Variants in PRPS2 observed in about 807,000 individuals in gnomAD.
PRPS2 encodes the protein ribose-phosphate pyrophosphokinase 2.
For synonymous variants in PRPS2, 111 were observed against 115.3 expected, an observed-to-expected ratio of 0.96 and a Z score of 0.24; for missense variants, 104 against 271.5, an observed-to-expected ratio of 0.38 and a Z score of 4.34.
At chrX:12,793,293 T>A (rs1315933004) in intron 1 of PRPS2, among the ~76,000 whole-genome samples, 1 of 112,736 alleles carries the variant, frequency 8.9e-6, no homozygotes, top group Non-Finnish European at 1.9e-5. Flanking sequence ...GCATGGTTAA[T>A]CTAGATCAGT....
intron 2 of PRPS2, among the ~76,000 whole-genome samples, chrX:12,807,601 A>AT (rs1346891196): frequency 9.0e-6 from 1 of 111,677 alleles, no homozygotes. Flanking sequence ...GTAAATATTT[A>AT]TTGAAGAACT....
intron 2 of PRPS2, among the ~76,000 whole-genome samples, chrX:12,801,975 G>C (rs915647331): frequency 2.7e-5 from 3 of 112,028 alleles, no homozygotes; most frequent in African/African-American, 9.7e-5. Flanking sequence ...TTGGCCCTAA[G>C]ATATTGAATA....
chrX:12,820,836 C>T, intron 6 of PRPS2, 33 bp downstream of exon 6: 2 of 1,190,164 alleles, frequency 1.7e-6, no homozygotes, highest in Non-Finnish European at 2.3e-6. Context: ...AGCCAAGCAG[C>T]CAGGCACCTA....
intron 6 of PRPS2, 81 bp downstream of exon 6, chrX:12,820,884 G>T: frequency 9.5e-7 from 1 of 1,053,920 alleles, no homozygotes; most frequent in Non-Finnish European, 1.3e-6. Context: ...TCTTGTGTGT[G>T]TGTGGCTCCT....
intron 2 of PRPS2, among the ~76,000 whole-genome samples, chrX:12,800,817 T>C (rs2042565653): frequency 9.0e-6 from 1 of 111,562 alleles, no homozygotes; most frequent in Admixed American, 9.6e-5. Flanking sequence ...CAAGACATGG[T>C]TTCCATTCCC....
At chrX:12,799,458 C>T in intron 2 of PRPS2, 68 bp downstream of exon 2, 2 of 1,039,931 alleles carry the variant, frequency 1.9e-6, no homozygotes, top group Non-Finnish European at 2.6e-6. Flanking sequence ...CTCATTTATC[C>T]CCTTGATTAG....
intron 1 of PRPS2, among the ~76,000 whole-genome samples, chrX:12,796,092 G>A (rs2042541564): frequency 9.0e-6 from 1 of 111,184 alleles, no homozygotes; most frequent in Non-Finnish European, 1.9e-5. Context: ...TGTTGCCCAG[G>A]CTGGACTAGA....
At chrX:12,811,162 G>T (rs1296373946) in intron 4 of PRPS2, among the ~76,000 whole-genome samples, 1 of 112,493 alleles carries the variant, frequency 8.9e-6, no homozygotes, top group South Asian at 3.6e-4. Flanking sequence ...CACAGTCCAC[G>T]CAGGCCCAGC....
In PRPS2 at chrX:12,809,380, TA is replaced by T. The variant is rs374765413; in HGVS notation, c.405+51del. 1,338 of 1,107,367 alleles carry T rather than the reference TA, an allele frequency of 1.2e-3. 13 individuals carry two copies. In the South Asian group the frequency reaches 0.024, roughly 20 times the overall value. 91.3% of individuals were successfully genotyped at this position (1,107,367 alleles called of 1,213,427 possible). A position where few individuals can be genotyped will look rare whatever the true frequency, so the allele number is the denominator to read the frequency against. Reference sequence around the variant, plus strand: ...AATGGTTAAATCAAGTCTGTTAAATTAAATAATCTTAGGTAACATTACTTGT... The same window carrying T: ...AATGGTTAAATCAAGTCTGTTAAATTAATAATCTTAGGTAACATTACTTGT... On this transcript the variant is annotated intron_variant, in intron 3 of 6. Transcript: ENST00000380668.
At chrX:12,801,267 T>TGTGTGTG in intron 2 of PRPS2, among the ~76,000 whole-genome samples, 1 of 110,536 alleles carries the variant, frequency 9.0e-6, no homozygotes, top group East Asian at 2.8e-4. Flanking sequence ...TGTGTGTGTG[T>TGTGTGTG]TTATGATCTA....
At chrX:12,808,060 C>T (rs1230093518) in intron 2 of PRPS2, among the ~76,000 whole-genome samples, 5 of 109,937 alleles carry the variant, frequency 4.5e-5, no homozygotes, top group Non-Finnish European at 9.5e-5. Flanking sequence ...GTAGAGACAG[C>T]GTTTCACCAT....
chrX:12,810,924 A>G (rs929443393), intron 4 of PRPS2, among the ~76,000 whole-genome samples: 1 of 111,655 alleles, frequency 9.0e-6, no homozygotes, highest in Non-Finnish European at 1.9e-5. Flanking sequence ...AGCCAGGGGG[A>G]AAGCCCATCT....
At chrX:12,797,235 G>A (rs1156787189) in intron 1 of PRPS2, among the ~76,000 whole-genome samples, 2 of 110,237 alleles carry the variant, frequency 1.8e-5, no homozygotes, top group African/African-American at 6.6e-5. Context: ...GTGCATGCCT[G>A]TAATCCGAGC....
At chrX:12,802,085 A>C (rs1331376950) in intron 2 of PRPS2, among the ~76,000 whole-genome samples, 1 of 112,846 alleles carries the variant, frequency 8.9e-6, no homozygotes, top group Non-Finnish European at 1.9e-5. Flanking sequence ...AAGTGATAAA[A>C]TATCAGAAGC....
At chrX:12,797,217 GC>G (rs1569093926) in intron 1 of PRPS2, among the ~76,000 whole-genome samples, 2 of 110,179 alleles carry the variant, frequency 1.8e-5, no homozygotes, top group Admixed American at 9.7e-5. Context: ...AATTAGCCAG[GC>G]GTGGTGGTGC....
intron 4 of PRPS2, among the ~76,000 whole-genome samples, chrX:12,817,589 G>A (rs907123378): frequency 9.1e-6 from 1 of 109,722 alleles, no homozygotes; most frequent in Admixed American, 9.8e-5. Flanking sequence ...GACTCAAACA[G>A]ATACTTATAC....
intron 1 of PRPS2, among the ~76,000 whole-genome samples, chrX:12,791,958 T>G (rs904268062): frequency 4.4e-5 from 5 of 112,835 alleles, no homozygotes; most frequent in Non-Finnish European, 7.5e-5. Context: ...GTCTGGGCGG[T>G]CACAGACCGT....
chrX:12,814,523 A>G (rs1212624583), intron 4 of PRPS2, among the ~76,000 whole-genome samples: 1 of 112,509 alleles, frequency 8.9e-6, no homozygotes, highest in Non-Finnish European at 1.9e-5. Flanking sequence ...GGTCATAGTT[A>G]GCAAAATAAA....
chrX:12,815,340 G>A (rs1219650132), intron 4 of PRPS2, among the ~76,000 whole-genome samples: 1 of 110,544 alleles, frequency 9.0e-6, no homozygotes, highest in African/African-American at 3.3e-5. Context: ...GAGCAGGCTC[G>A]TGAGAACAGG....
Sources: allele counts gnomAD v4.1 joint callset (sites outside exome capture counted in the v4.1 genomes callset), GRCh38; gene constraint gnomAD v4.1.1; transcripts MANE v1.5; gene names NCBI Gene and HGNC (gene_info 2026-07-23, HGNC 2026-07-21).